Variants in CDC73 observed in about 807,000 individuals in gnomAD.
CDC73 encodes cell division cycle 73, also known as parafibromin.
In CDC73, 21 loss-of-function variants were observed where a neutral mutation model predicts 83.7. That is an observed-to-expected ratio of 0.25 (90% CI 0.18 to 0.36). The LOEUF is 0.36. Among genes scored for constraint, CDC73 ranks in the 10% least tolerant of loss-of-function variants. The probability of loss-of-function intolerance (pLI) is 1.00; values close to 1 mark genes in which losing one functional copy is unlikely to be tolerated. For synonymous variants in CDC73, 224 were observed against 212.9 expected (o/e 1.05, Z -0.45); for missense variants, 342 against 653.3 (o/e 0.52, Z 5.19).
chr1:193,131,858 C>T (rs903333178), intron 3 of CDC73, among the ~76,000 whole-genome samples: 2 of 152,188 alleles, frequency 1.3e-5, no homozygotes, highest in Non-Finnish European at 2.9e-5. Context: ...TTCCTTTCCT[C>T]CTTCTGTGGT....
rs1257748717 is a variant in CDC73 at position 193,150,519 on chromosome 1, A to G, written c.907+137A>G. 8.9e-6 allele frequency: 6 copies of G among 671,830 alleles called. No homozygotes were observed. In the East Asian group the frequency reaches 1.6e-4, roughly 18 times the overall value. The allele number at this position is 671,830 out of a possible 1,614,324, so 41.6% of individuals were successfully genotyped here. On this transcript the variant is annotated intron_variant, in intron 9 of 16. Transcript: ENST00000367435. Reference sequence around the variant, plus strand: ...TCTTACCCACTGCAATTTTTCTTAAATAACATTTTGTTGGGACACAACCAC... The same window carrying G: ...TCTTACCCACTGCAATTTTTCTTAAGTAACATTTTGTTGGGACACAACCAC...
chr1:193,224,436 A>G (rs1224868918), intron 13 of CDC73, among the ~76,000 whole-genome samples: 1 of 152,070 alleles, frequency 6.6e-6, no homozygotes, highest in African/African-American at 2.4e-5. Context: ...ACATATACAC[A>G]TATGAAATAT....
rs1675669973 is a variant in CDC73 at position 193,130,168 on chromosome 1, T to C, written c.238-6T>C. On this transcript the variant is annotated splice_region_variant and splice_polypyrimidine_tract_variant and intron_variant, in intron 2 of 16. Coordinates refer to ENST00000367435, the MANE Select transcript of CDC73 (RefSeq NM_024529.5). ...TTTCATATCTCATTTAAAATTTTGG[T>C]TTTAGACTGAAAATATTCCTGTGGT... 1 of 1,523,508 alleles carries C rather than the reference T, an allele frequency of 6.6e-7. No homozygotes were observed. The highest frequency in any genetic ancestry group is 9.1e-7 in the Non-Finnish European group (1 of 1,098,196). The allele number at this position is 1,523,508 out of a possible 1,614,324, so 94.4% of individuals were successfully genotyped here. A position where few individuals can be genotyped will look rare whatever the true frequency, so the allele number is the denominator to read the frequency against.
At chr1:193,208,702 A>G (rs1677228391) in intron 11 of CDC73, among the ~76,000 whole-genome samples, 1 of 152,050 alleles carries the variant, frequency 6.6e-6, no homozygotes, top group Non-Finnish European at 1.5e-5. Context: ...ATATTGCTTA[A>G]AAAGCCCTAC....
intron 13 of CDC73, among the ~76,000 whole-genome samples, chr1:193,224,432 ACACATATGAAATATGCATTCACATATG>A (rs1677527649): frequency 6.6e-6 from 1 of 151,648 alleles, no homozygotes; most frequent in Admixed American, 6.6e-5. Flanking sequence ...ATTCACATAT[ACACATATGAAATATGCATTCACATATG>A]CACATACGAA....
At chr1:193,162,567 C>G (rs981739330) in intron 10 of CDC73, among the ~76,000 whole-genome samples, 1 of 151,576 alleles carries the variant, frequency 6.6e-6, no homozygotes, top group Non-Finnish European at 1.5e-5. Flanking sequence ...AGAGATTTCA[C>G]CATGTTGGCC....
At chr1:193,236,235 C>G (rs752875651) in intron 14 of CDC73, 21 bp from the exon 15 acceptor site, 10 of 1,505,286 alleles carry the variant, frequency 6.6e-6, no homozygotes, top group Admixed American at 3.3e-5. Context: ...TACCTCCCCC[C>G]ACCCACTTTT....
intron 7 of CDC73, among the ~76,000 whole-genome samples, chr1:193,142,662 T>A (rs527987043): frequency 3.9e-5 from 6 of 152,010 alleles, no homozygotes; most frequent in Non-Finnish European, 7.4e-5. Context: ...CCCGTTTCCC[T>A]CTCTTCCTCC....
chr1:193,208,758 C>G (rs1207590176), intron 11 of CDC73, among the ~76,000 whole-genome samples: 1 of 152,098 alleles, frequency 6.6e-6, no homozygotes, highest in Non-Finnish European at 1.5e-5. Flanking sequence ...TCCTGCCATT[C>G]TTCCTTTCTT....
intron 14 of CDC73, among the ~76,000 whole-genome samples, chr1:193,234,928 ATACTT>A (rs1677732003): frequency 6.6e-6 from 1 of 151,830 alleles, no homozygotes; most frequent in Non-Finnish European, 1.5e-5. Context: ...TATTATTACT[ATACTT>A]TAAGTTTTAG....
chr1:193,234,773 C>T (rs1302114957), intron 14 of CDC73, among the ~76,000 whole-genome samples: 1 of 152,114 alleles, frequency 6.6e-6, no homozygotes, highest in East Asian at 1.9e-4. Flanking sequence ...TTGTAAGTTA[C>T]ATCATAAAAC....
chr1:193,149,839 ATTAT>A lies in CDC73; in HGVS notation c.829-461_829-458del, dbSNP rs578103490. On this transcript the variant is annotated intron_variant, in intron 8 of 16. Transcript: ENST00000367435. ...ATCATTAGACTGACAGCCTTTTCTA[ATTAT>A]TTAAAAAAAATACGTCTTCAGTCTT... Among the ~76,000 whole-genome samples the A allele has an allele frequency of 2.1e-3, 318 of 152,272 alleles. 1 individual carries two copies. Among genetic ancestry groups the A allele is most frequent in the African/African-American group, 7.0e-3 (293 of 41,562 alleles).
intron 15 of CDC73, among the ~76,000 whole-genome samples, chr1:193,239,501 A>G (rs536180318): frequency 6.6e-6 from 1 of 152,332 alleles, no homozygotes; most frequent in African/African-American, 2.4e-5. Flanking sequence ...AAATTGCCAA[A>G]TAAAATCTTT....
intron 10 of CDC73, among the ~76,000 whole-genome samples, chr1:193,195,971 T>C (rs1326354219): frequency 3.3e-5 from 5 of 152,218 alleles, no homozygotes. Flanking sequence ...ACTGTGTTGA[T>C]ATCCTTTGCA....
intron 7 of CDC73, among the ~76,000 whole-genome samples, chr1:193,144,070 A>T (rs1254815322): frequency 7.4e-6 from 1 of 134,562 alleles, no homozygotes; most frequent in Non-Finnish European, 1.6e-5. Context: ...AGATTGTGCC[A>T]TTGCACTCTA....
intron 13 of CDC73, among the ~76,000 whole-genome samples, chr1:193,222,710 C>A (rs1033599431): frequency 1.4e-5 from 2 of 147,872 alleles, no homozygotes; most frequent in Non-Finnish European, 3.0e-5. Context: ...TGGTGTTTTT[C>A]ATCAGTTCTC....
At chr1:193,188,813 G>A (rs796673606) in intron 10 of CDC73, among the ~76,000 whole-genome samples, 166 of 151,784 alleles carry the variant, frequency 1.1e-3, no homozygotes, top group African/African-American at 3.8e-3. Context: ...GGACCCCCCC[G>A]CCCCGAACTG....
intron 3 of CDC73, among the ~76,000 whole-genome samples, chr1:193,133,402 A>G (rs1011318331): frequency 1.3e-5 from 2 of 152,234 alleles, no homozygotes; most frequent in African/African-American, 4.8e-5. Flanking sequence ...AGGTAGGAAT[A>G]GAACTAGACA....
At chr1:193,194,193 C>A (rs865821111) in intron 10 of CDC73, among the ~76,000 whole-genome samples, 2 of 152,154 alleles carry the variant, frequency 1.3e-5, no homozygotes, top group African/African-American at 4.8e-5. Context: ...CAAGGTTGTA[C>A]TACAGTGGCA....
Sources: gnomAD v4.1 joint callset for allele counts (sites outside exome capture counted in the v4.1 genomes callset) on GRCh38, gnomAD v4.1.1 for gene constraint, MANE v1.5 for transcripts, NCBI Gene and HGNC (gene_info 2026-07-23, HGNC 2026-07-21) for gene names.